The following WDR33 variants were observed in gnomAD, a reference collection of about 807,000 sequenced individuals.
WDR33 encodes WD repeat domain 33.
In WDR33, 47 loss-of-function variants were observed where a neutral mutation model predicts 164.9. That is an observed-to-expected ratio of 0.29 (90% CI 0.23 to 0.36). The LOEUF (loss-of-function observed/expected upper bound fraction) is 0.36, where lower values mean the gene tolerates loss of function less well. WDR33 is among the 10% of genes least tolerant of loss of function. The pLI is 1.00. For missense variants in WDR33, 1,137 were observed against 1,754.1 expected (o/e 0.65, Z 6.28); for synonymous variants, 505 against 589.0 (o/e 0.86, Z 2.06).
intron 7 of WDR33, among the ~76,000 whole-genome samples, chr2:127,757,705 T>C (rs181649365): frequency 8.5e-5 from 13 of 152,318 alleles, no homozygotes; most frequent in East Asian, 7.7e-4. Flanking sequence ...TAAAACCTTA[T>C]AGAAATAAAT....
chr2:127,808,432 A>G (rs149013237), intron 1 of WDR33, among the ~76,000 whole-genome samples: 2,128 of 152,336 alleles, frequency 0.014, 45 homozygotes, highest in African/African-American at 0.047. Flanking sequence ...TCATGAGTAC[A>G]AGATACAATA....
In WDR33 at chr2:127,706,838, G is replaced by C. The variant is rs1196496076; in HGVS notation, c.3782-286C>G. The stretch of plus-strand genomic sequence containing the variant: ...GAGATGAGCAAGGAGCACCTTCAGG[G>C]AGACCCGGGCCACACTGGGCCATGT... On this transcript the variant is annotated intron_variant, in intron 21 of 21. Transcript: ENST00000322313. The surrounding 1 kb of genome is among the most constrained non-coding windows in gnomAD (Gnocchi z 5.1). Among the ~76,000 whole-genome samples, 1 of 152,218 alleles carries C rather than the reference G, an allele frequency of 6.6e-6. No individual in the cohort carries two copies. The highest frequency in any genetic ancestry group is 1.5e-5 in the Non-Finnish European group (1 of 68,038).
chr2:127,802,359 T>C (rs1689277843), intron 1 of WDR33, among the ~76,000 whole-genome samples: 1 of 152,082 alleles, frequency 6.6e-6, no homozygotes, highest in Non-Finnish European at 1.5e-5. Context: ...TACTTTTTCT[T>C]CAGCCTCCGT....
rs368762961 is a variant in WDR33, at chr2:127,768,139, T to C, written c.378+50A>G. 4 of 1,165,642 alleles carry C rather than the reference T, an allele frequency of 3.4e-6. No individual in the cohort carries two copies. In the East Asian group the frequency reaches 8.1e-5, roughly 24 times the overall value. The allele number at this position is 1,165,642 out of a possible 1,614,324, so 72.2% of individuals were successfully genotyped here. ...TCTTTGCCCTGTCAAATACATTTGC[T>C]ATATAACGCAGGATTAATTTTCCCC... On this transcript the variant is annotated intron_variant, in intron 4 of 21. Transcript: ENST00000322313.
intron 1 of WDR33, among the ~76,000 whole-genome samples, chr2:127,803,195 G>A (rs1391316462): frequency 6.6e-6 from 1 of 152,032 alleles, no homozygotes. Flanking sequence ...CACTTGGTAG[G>A]GTTATTGTTA....
chr2:127,761,635 T>G (rs1274198841), intron 7 of WDR33, among the ~76,000 whole-genome samples: 1 of 152,204 alleles, frequency 6.6e-6, no homozygotes, highest in Non-Finnish European at 1.5e-5. Context: ...AACATAAGTG[T>G]GGCATTAGGC....
chr2:127,790,616 A>G (rs1256097637), intron 1 of WDR33, among the ~76,000 whole-genome samples: 1 of 152,094 alleles, frequency 6.6e-6, no homozygotes, highest in African/African-American at 2.4e-5. Context: ...ATTCAATTTT[A>G]TTTTATTTTT....
intron 1 of WDR33, among the ~76,000 whole-genome samples, chr2:127,808,234 C>T (rs1689507850): frequency 6.6e-6 from 1 of 151,982 alleles, no homozygotes; most frequent in South Asian, 2.1e-4. Context: ...CACTTTTTAC[C>T]TTTAGGTTTT....
In WDR33 at chr2:127,716,748, A is replaced by G. The variant is rs1293542044; in HGVS notation, c.2869+407T>C. ...ACTACATAACCAGCTGAAGAGTTCA[A>G]TGTGTGACAGGGTTTGGGAAGACAA... On this transcript the variant is annotated intron_variant, in intron 17 of 21. Coordinates refer to ENST00000322313, the MANE Select transcript of WDR33 (RefSeq NM_018383.5). The surrounding 1 kb of genome is among the most constrained non-coding windows in gnomAD (Gnocchi z 4.5). 6.6e-6 allele frequency among the ~76,000 whole-genome samples: 1 copy of G among 152,260 alleles called. No homozygotes were observed. The highest frequency in any genetic ancestry group is 2.4e-5 in the African/African-American group (1 of 41,474).
intron 7 of WDR33, among the ~76,000 whole-genome samples, chr2:127,752,167 A>C (rs570564456): frequency 3.3e-5 from 5 of 152,254 alleles, no homozygotes; most frequent in Non-Finnish European, 5.9e-5. Context: ...ATTTTACCAG[A>C]GCTATCACTT....
At chr2:127,730,831 A>G (rs1453249541) in intron 7 of WDR33, among the ~76,000 whole-genome samples, 2 of 152,182 alleles carry the variant, frequency 1.3e-5, no homozygotes, top group Non-Finnish European at 2.9e-5. Context: ...CATTTCCTCT[A>G]GTATAATATT....
intron 7 of WDR33, among the ~76,000 whole-genome samples, chr2:127,748,468 G>GT (rs1305818249): frequency 6.6e-6 from 1 of 152,170 alleles, no homozygotes; most frequent in Non-Finnish European, 1.5e-5. Flanking sequence ...TGATGCTGGT[G>GT]TAAGATTTCT....
At chr2:127,757,914 T>C (rs1196551433) in intron 7 of WDR33, among the ~76,000 whole-genome samples, 1 of 152,164 alleles carries the variant, frequency 6.6e-6, no homozygotes, top group Non-Finnish European at 1.5e-5. Flanking sequence ...AATGCAATCA[T>C]GAAGGGGCAC....
rs893905744 is a variant in WDR33 at position 127,741,967 on chromosome 2, G to A, written c.725-15190C>T. ...TGTAATCCCAGCACTTTGGGAGGCC[G>A]AGGCGGGTGGATCACCTGAAGTCAG... is the stretch of plus-strand genomic sequence containing the variant. On this transcript the variant is annotated intron_variant, in intron 7 of 21. Transcript: ENST00000322313. The surrounding 1 kb of genome is among the most constrained non-coding windows in gnomAD (Gnocchi z 4.1). 5.3e-5 allele frequency among the ~76,000 whole-genome samples: 8 copies of A among 151,598 alleles called. No homozygotes were observed. Among genetic ancestry groups the A allele is most frequent in the East Asian group, 2.0e-4 (1 of 5,108 alleles).
At chr2:127,737,191 A>G (rs1445861488) in intron 7 of WDR33, 1 of 985,322 alleles carries the variant, frequency 1.0e-6, no homozygotes, top group South Asian at 4.7e-5. Flanking sequence ...TGGCAATCAA[A>G]TATTTTTCAA....
In WDR33 at chr2:127,713,656, C is replaced by A. The variant is rs764652173; in HGVS notation, c.3235G>T (p.Gly1079Cys). ...AARGPPGAWE[G>C]RRPGDERFPR... ...AAACGTTCATCTCCGGGCCTGCGGC[C>A]TTCCCATGCCCCCGGAGGGCCTCGG... Residue 1079 changes from glycine (G) to cysteine (C), a missense_variant, in exon 18 of 22, where the codon GGC becomes TGC. Coordinates refer to ENST00000322313, the MANE Select transcript of WDR33 (RefSeq NM_018383.5). This position sits in a 1 kb window ranked among gnomAD's most constrained non-coding sequence, Gnocchi z 6.2. The A allele has an allele frequency of 6.2e-6, 10 of 1,614,260 alleles. No individual in the cohort carries two copies. Among genetic ancestry groups the A allele is most frequent in the Non-Finnish European group, 8.5e-6 (10 of 1,180,044 alleles).
In WDR33 at chr2:127,720,809, C is replaced by T. The variant is rs1174301715; in HGVS notation, c.1672-456G>A. 1.3e-5 allele frequency among the ~76,000 whole-genome samples: 2 copies of T among 152,146 alleles called. No individual in the cohort carries two copies. Among genetic ancestry groups the T allele is most frequent in the African/African-American group, 4.8e-5 (2 of 41,438 alleles). On this transcript the variant is annotated intron_variant, in intron 15 of 21. Transcript: ENST00000322313. The surrounding 1 kb of genome is among the most constrained non-coding windows in gnomAD (Gnocchi z 5.9). The stretch of plus-strand genomic sequence containing the variant: ...TCCTGGGTTCAGCTGATCCTCCCGC[C>T]TCGCCTCCCAAAGTGCTGGGATTAC...
intron 1 of WDR33, among the ~76,000 whole-genome samples, chr2:127,778,293 T>C (rs1688253737): frequency 6.6e-6 from 1 of 151,754 alleles, no homozygotes; most frequent in South Asian, 2.1e-4. Context: ...AAAAATTAGC[T>C]GGGCGTGGTG....
At chr2:127,788,104 T>C (rs1688666496) in intron 1 of WDR33, among the ~76,000 whole-genome samples, 1 of 87,306 alleles carries the variant, frequency 1.1e-5, no homozygotes, top group Non-Finnish European at 2.2e-5. Context: ...ACGGGGCGGC[T>C]GGCCGGGCTG....
Sources: gnomAD v4.1 joint callset for allele counts (sites outside exome capture counted in the v4.1 genomes callset) on GRCh38, gnomAD v4.1.1 for gene constraint, Gnocchi (gnomAD v3.1) non-coding constraint, MANE v1.5 for transcripts, NCBI Gene and HGNC (gene_info 2026-07-23, HGNC 2026-07-21) for gene names.